TGM3: variants seen among roughly 807,000 people sequenced by gnomAD.
TGM3 encodes protein-glutamine gamma-glutamyltransferase E.
TGM3 carries 52 observed loss-of-function variants against 73.8 expected under a neutral mutation model. The ratio of observed to expected loss-of-function variants is 0.70; its 90% CI spans 0.56 to 0.89. The LOEUF (loss-of-function observed/expected upper bound fraction) is 0.89. Ranked by LOEUF, TGM3 falls within the 40% of genes least tolerant of loss-of-function variation. The pLI is 0.00. For synonymous variants in TGM3, 372 were observed against 354.9 expected, an observed-to-expected ratio of 1.05 and a Z score of -0.54; for missense variants, 928 against 909.9, an observed-to-expected ratio of 1.02 and a Z score of -0.26.
chr20:2,303,845 T>A (rs2084164436), intron 1 of TGM3, among the ~76,000 whole-genome samples: 1 of 152,170 alleles, frequency 6.6e-6, no homozygotes, highest in Non-Finnish European at 1.5e-5. Flanking sequence ...AGTTAAGCAT[T>A]AACTCAGGGA....
chr20:2,330,641 T>C (rs1157131892), intron 9 of TGM3, among the ~76,000 whole-genome samples: 1 of 152,216 alleles, frequency 6.6e-6, no homozygotes, highest in African/African-American at 2.4e-5. Context: ...ATGGACGAGT[T>C]GGCCTCTGAA....
intron 8 of TGM3, among the ~76,000 whole-genome samples, chr20:2,327,011 A>G (rs972167667): frequency 2.6e-5 from 4 of 152,210 alleles, no homozygotes; most frequent in Non-Finnish European, 5.9e-5. Context: ...GCTTGGAGGT[A>G]ACTGAGACAT....
intron 3 of TGM3, 58 bp from the exon 4 acceptor site, chr20:2,310,953 G>C (rs1045592187): frequency 6.7e-7 from 1 of 1,488,960 alleles, no homozygotes; most frequent in Non-Finnish European, 9.4e-7. Context: ...GAGGAGGAAC[G>C]ATCCCTACAG....
intron 1 of TGM3, among the ~76,000 whole-genome samples, chr20:2,306,443 G>T (rs1247183914): frequency 6.6e-6 from 1 of 150,898 alleles, no homozygotes; most frequent in Non-Finnish European, 1.5e-5. Flanking sequence ...TTATTTGAGA[G>T]GTCTTCTTTT....
At position 2,296,014 on chromosome 20, in the gene TGM3, G is replaced by C. The variant is rs1379834931; in HGVS notation, c.-50G>C. On this transcript the variant is annotated 5_prime_UTR_variant, in exon 1 of 13. Coordinates refer to ENST00000381458, the MANE Select transcript of TGM3 (RefSeq NM_003245.4). Reference sequence around the variant, plus strand: ...CCTTGGCAGCCTGTCTGTCAGCACTGTCCGTGCCATTCCCAGAGGAGCCTG... The same window carrying C: ...CCTTGGCAGCCTGTCTGTCAGCACTCTCCGTGCCATTCCCAGAGGAGCCTG... 2 of 1,550,832 alleles carry C rather than the reference G, an allele frequency of 1.3e-6. No homozygotes were observed. The highest frequency in any genetic ancestry group is 1.7e-6 in the Non-Finnish European group (2 of 1,146,422).
At position 2,313,173 on chromosome 20, in the gene TGM3, C is replaced by T. The variant is rs144451524; in HGVS notation, c.669+147C>T. The T allele has an allele frequency of 7.2e-5, 88 of 1,215,096 alleles. 1 individual carries two copies. The East Asian group carries it at 2.3e-3, about 31-fold the overall frequency. 75.3% of individuals were successfully genotyped at this position (1,215,096 alleles called of 1,614,324 possible). ...GTTAGAACCATCCACATTTTACTAA[C>T]TTGGAGCACAAGGCCCCTCTAAGTT... On this transcript the variant is annotated intron_variant, in intron 5 of 12. Coordinates refer to ENST00000381458, the MANE Select transcript of TGM3 (RefSeq NM_003245.4).
chr20:2,306,851 A>C (rs916778662), intron 1 of TGM3, among the ~76,000 whole-genome samples: 1 of 152,174 alleles, frequency 6.6e-6, no homozygotes, highest in Admixed American at 6.5e-5. Context: ...AGTAGTGAGC[A>C]AGGTTGGCAG....
In TGM3 at chr20:2,311,975, C is replaced by T. The variant is rs543228870; in HGVS notation, c.540+846C>T. Among the ~76,000 whole-genome samples, 12 of 152,244 alleles carry T rather than the reference C, an allele frequency of 7.9e-5. No individual in the cohort carries two copies. The South Asian group carries it at 2.1e-3, about 26-fold the overall frequency. On this transcript the variant is annotated intron_variant, in intron 4 of 12. Coordinates refer to ENST00000381458, the MANE Select transcript of TGM3 (RefSeq NM_003245.4). ...GCAAAGACCTAAGGCAAGAGGAGCT[C>T]GGCCTTCTCAGTTTGAGAAGCAATG... is the stretch of plus-strand genomic sequence containing the variant.
At position 2,330,254 on chromosome 20, in the gene TGM3, A is replaced by T. The variant is rs150007897; in HGVS notation, c.1334-1748A>T. ...GCAAAGGGAGAAAACAGCAGGAGGA[A>T]GCTTAGTCTTGAGTAAACCCAGCAG... is the stretch of plus-strand genomic sequence containing the variant. On this transcript the variant is annotated intron_variant, in intron 9 of 12. Coordinates refer to ENST00000381458, the MANE Select transcript of TGM3 (RefSeq NM_003245.4). Among the ~76,000 whole-genome samples the T allele has an allele frequency of 2.5e-3, 376 of 152,324 alleles. 1 individual carries two copies. Among genetic ancestry groups the T allele is most frequent in the African/African-American group, 8.7e-3 (363 of 41,576 alleles).
At chr20:2,319,299 G>A (rs1054102799) in intron 7 of TGM3, among the ~76,000 whole-genome samples, 6 of 152,186 alleles carry the variant, frequency 3.9e-5, no homozygotes, top group South Asian at 2.1e-4. Flanking sequence ...CTGCAGGGAC[G>A]TGGAAAGCTT....
intron 11 of TGM3, among the ~76,000 whole-genome samples, chr20:2,337,870 T>C (rs2084359775): frequency 6.6e-6 from 1 of 152,260 alleles, no homozygotes. Flanking sequence ...ATCTTTAAGA[T>C]ACTACAATAT....
rs749381889 is a variant in TGM3 at position 2,332,380 on chromosome 20, T to C, written c.1642+70T>C. 8.3e-5 allele frequency: 119 copies of C among 1,436,902 alleles called. No homozygotes were observed. The highest frequency in any genetic ancestry group is 1.1e-4 in the Non-Finnish European group (117 of 1,081,522). 89.0% of individuals were successfully genotyped at this position (1,436,902 alleles called of 1,614,324 possible). The stretch of plus-strand genomic sequence containing the variant: ...CCAATGGCCTTCTGGGGCTGCAGGG[T>C]GTCTGCTGGGCTCCAGGTTAGTCAG... On this transcript the variant is annotated intron_variant, in intron 10 of 12. Coordinates refer to ENST00000381458, the MANE Select transcript of TGM3 (RefSeq NM_003245.4). The surrounding 1 kb of genome is among the most constrained non-coding windows in gnomAD (Gnocchi z 4.4).
At chr20:2,335,364 C>A in intron 11 of TGM3, 91 bp downstream of exon 11, 1 of 1,513,986 alleles carries the variant, frequency 6.6e-7, no homozygotes, top group Admixed American at 1.8e-5. Context: ...CCACAGCTCT[C>A]CCAGAGGGCA....
At chr20:2,311,991 A>C (rs573626814) in intron 4 of TGM3, among the ~76,000 whole-genome samples, 1 of 152,342 alleles carries the variant, frequency 6.6e-6, no homozygotes, top group East Asian at 1.9e-4. Flanking sequence ...TCTCAGTTTG[A>C]GAAGCAATGA....
At chr20:2,333,383 T>C (rs956575855) in intron 10 of TGM3, among the ~76,000 whole-genome samples, 39 of 152,064 alleles carry the variant, frequency 2.6e-4, no homozygotes, top group African/African-American at 8.9e-4. Flanking sequence ...TGTTTGTTTG[T>C]TTGTTTTTGT....
intron 1 of TGM3, among the ~76,000 whole-genome samples, chr20:2,301,723 C>CA (rs1568621050): frequency 6.6e-6 from 1 of 151,036 alleles, no homozygotes; most frequent in Admixed American, 6.6e-5. Context: ...TTTTTTGAGA[C>CA]GGAGTCTCCC....
Position 2,317,193 on chromosome 20 carries a change from C to T in TGM3, c.795C>T (p.Phe265=), listed in dbSNP as rs1021870256. ...EILKNWKKSG[F]SPVRYGQCWV... Reference sequence around the variant, plus strand: ...TCAAAAATTGGAAAAAATCTGGCTTCAGCCCAGTCCGATATGGCCAGTGCT... The same window carrying T: ...TCAAAAATTGGAAAAAATCTGGCTTTAGCCCAGTCCGATATGGCCAGTGCT... The change falls in exon 6 of 13, where the codon TTC becomes TTT. Residue 265 remains phenylalanine (F), a synonymous_variant. Coordinates refer to ENST00000381458, the MANE Select transcript of TGM3 (RefSeq NM_003245.4). The T allele has an allele frequency of 8.1e-6, 13 of 1,614,046 alleles. No individual in the cohort carries two copies. Among genetic ancestry groups the T allele is most frequent in the Non-Finnish European group, 1.1e-5 (13 of 1,180,050 alleles).
At chr20:2,322,072 A>G (rs1336551613) in intron 7 of TGM3, among the ~76,000 whole-genome samples, 1 of 151,628 alleles carries the variant, frequency 6.6e-6, no homozygotes, top group Non-Finnish European at 1.5e-5. Flanking sequence ...ACCTGGGACC[A>G]TCTTCCCACA....
chr20:2,331,135 C>T (rs2084318967), intron 9 of TGM3, among the ~76,000 whole-genome samples: 1 of 151,804 alleles, frequency 6.6e-6, no homozygotes. Context: ...CAGACGTCAA[C>T]ATGGTCACTC....
Sources: gnomAD v4.1 joint callset for allele counts (sites outside exome capture counted in the v4.1 genomes callset) on GRCh38, gnomAD v4.1.1 for gene constraint, Gnocchi (gnomAD v3.1) non-coding constraint, MANE v1.5 for transcripts, NCBI Gene and HGNC (gene_info 2026-07-23, HGNC 2026-07-21) for gene names.